ACTR2: variants seen among roughly 807,000 people sequenced by gnomAD.
ACTR2 encodes actin related protein 2, also known as actin-related protein 2.
Under a neutral mutation model 50.2 loss-of-function variants are expected in ACTR2, and 5 were observed. The observed-to-expected ratio is 0.10, with a 90% CI of 0.05 to 0.21. The LOEUF (loss-of-function observed/expected upper bound fraction) is 0.21, where lower values mean the gene tolerates loss of function less well. Ranked by LOEUF, ACTR2 falls within the 10% of genes least tolerant of loss-of-function variation. The pLI is 1.00. For synonymous variants in ACTR2, 140 were observed against 162.9 expected, an observed-to-expected ratio of 0.86 and a Z score of 1.07; for missense variants, 180 against 480.6, an observed-to-expected ratio of 0.37 and a Z score of 5.85.
At position 65,245,654 on chromosome 2, in the gene ACTR2, GTAT is replaced by G. The variant is rs1276413386; in HGVS notation, c.160-865_160-863del. On this transcript the variant is annotated intron_variant, in intron 2 of 8. Transcript: ENST00000260641. ...AATTTATCAACATATGTAGAAATTAGTATTATTTAACCTCTTGACTAGCTGTTC... is the reference window on the plus strand; with the variant it reads ...AATTTATCAACATATGTAGAAATTAGTATTTAACCTCTTGACTAGCTGTTC... 2.0e-5 allele frequency among the ~76,000 whole-genome samples: 3 copies of G among 152,188 alleles called. No individual in the cohort carries two copies. In the South Asian group the frequency reaches 6.2e-4, roughly 32 times the overall value.
At chr2:65,262,266 C>G (rs1672281976) in intron 7 of ACTR2, among the ~76,000 whole-genome samples, 1 of 152,126 alleles carries the variant, frequency 6.6e-6, no homozygotes, top group Non-Finnish European at 1.5e-5. Context: ...ATGTCACTCT[C>G]TCACCCAGGC....
chr2:65,261,487 A>G (rs1672267041), intron 7 of ACTR2, 95 bp downstream of exon 7: 2 of 1,194,664 alleles, frequency 1.7e-6, no homozygotes, highest in Non-Finnish European at 2.3e-6. Flanking sequence ...ATTAAATAGA[A>G]TGACTAAGTT....
intron 1 of ACTR2, among the ~76,000 whole-genome samples, chr2:65,236,590 TG>T (rs1573149030): frequency 1.3e-5 from 2 of 152,146 alleles, no homozygotes; most frequent in African/African-American, 4.8e-5. Context: ...TGTTTTGTTT[TG>T]TTTTTTTTGA....
At chr2:65,256,114 A>G (rs573548872) in intron 6 of ACTR2, among the ~76,000 whole-genome samples, 3 of 152,228 alleles carry the variant, frequency 2.0e-5, no homozygotes, top group Non-Finnish European at 4.4e-5. Flanking sequence ...AGCCTTTGGT[A>G]TGCTAATATG....
rs70943640 is a variant in ACTR2, at chr2:65,267,862, C to CTTTTT, written c.1015-678_1015-674dup. Among the ~76,000 whole-genome samples the CTTTTT allele has an allele frequency of 8.7e-3, 412 of 47,408 alleles. 64 individuals are homozygous for CTTTTT. The highest frequency in any genetic ancestry group is 0.017 in the African/African-American group (219 of 12,686). 31.1% of individuals were successfully genotyped at this position (47,408 alleles called of 152,430 possible). Reference sequence around the variant, plus strand: ...ACCTTGAAGAAGTCATGCAAGTCCTCTTTTTTTTTTTTTTTTTTTTTTTTT... The same window carrying CTTTTT: ...ACCTTGAAGAAGTCATGCAAGTCCTCTTTTTTTTTTTTTTTTTTTTTTTTTTTTTT... On this transcript the variant is annotated intron_variant, in intron 8 of 8. Coordinates refer to ENST00000260641, the MANE Select transcript of ACTR2 (RefSeq NM_005722.4).
chr2:65,265,261 C>T (rs981796571), intron 8 of ACTR2, 86 bp downstream of exon 8: 1 of 1,487,734 alleles, frequency 6.7e-7, no homozygotes, highest in African/African-American at 1.4e-5. Flanking sequence ...CCAGAGGGAG[C>T]AAGACGTCTT....
intron 1 of ACTR2, among the ~76,000 whole-genome samples, chr2:65,233,003 T>C (rs1671668905): frequency 6.6e-6 from 1 of 151,908 alleles, no homozygotes; most frequent in Non-Finnish European, 1.5e-5. Flanking sequence ...TTTAGTTTTT[T>C]TTTTTTTTTT....
intron 6 of ACTR2, among the ~76,000 whole-genome samples, chr2:65,257,162 T>C (rs569840684): frequency 6.6e-5 from 10 of 150,892 alleles, no homozygotes; most frequent in African/African-American, 2.4e-4. Flanking sequence ...TATGTTCTCA[T>C]TGTCAGCTCC....
intron 6 of ACTR2, among the ~76,000 whole-genome samples, chr2:65,257,180 G>A (rs111628063): frequency 1.3e-5 from 2 of 149,050 alleles, no homozygotes; most frequent in African/African-American, 4.9e-5. Flanking sequence ...TCCCACTTAT[G>A]AATGAGAACA....
At chr2:65,261,202 T>C (rs780429977) in intron 6 of ACTR2, 45 bp from the exon 7 acceptor site, 5 of 1,609,362 alleles carry the variant, frequency 3.1e-6, no homozygotes, top group Non-Finnish European at 4.2e-6. Flanking sequence ...CACTGGGAAA[T>C]TTTAATCTTT....
chr2:65,262,918 ATT>A (rs969983804), intron 7 of ACTR2, among the ~76,000 whole-genome samples: 3 of 151,650 alleles, frequency 2.0e-5, no homozygotes, highest in Non-Finnish European at 4.4e-5. Flanking sequence ...GTGAGCCATG[ATT>A]GTGTCACTGC....
intron 8 of ACTR2, among the ~76,000 whole-genome samples, chr2:65,266,323 C>G (rs1672372110): frequency 6.6e-6 from 1 of 152,064 alleles, no homozygotes; most frequent in East Asian, 1.9e-4. Flanking sequence ...TGATCAGAGA[C>G]CTAAGTTGAG....
chr2:65,267,862 C>CTTTTTTTT (rs70943640), intron 8 of ACTR2, among the ~76,000 whole-genome samples: 2,141 of 47,418 alleles, frequency 0.045, 404 homozygotes, highest in Middle Eastern at 0.15. Context: ...TGCAAGTCCT[C>CTTTTTTTT]TTTTTTTTTT....
At chr2:65,257,559 C>T (rs1672174820) in intron 6 of ACTR2, among the ~76,000 whole-genome samples, 1 of 152,212 alleles carries the variant, frequency 6.6e-6, no homozygotes, top group Non-Finnish European at 1.5e-5. Context: ...AATTTACACT[C>T]CCACCAACAG....
intron 5 of ACTR2, among the ~76,000 whole-genome samples, chr2:65,255,009 T>C (rs1388493450): frequency 6.6e-6 from 1 of 152,212 alleles, no homozygotes; most frequent in Non-Finnish European, 1.5e-5. Flanking sequence ...TAGTAGTATT[T>C]TCTAGCATTT....
chr2:65,240,838 G>A (rs1220312559), intron 2 of ACTR2, among the ~76,000 whole-genome samples: 1 of 152,148 alleles, frequency 6.6e-6, no homozygotes, highest in Admixed American at 6.5e-5. Flanking sequence ...AAGGTTATGA[G>A]TCATTTGAAA....
chr2:65,267,862 C>CTTTTTTTTTTTTTTTTTT lies in ACTR2; in HGVS notation c.1015-691_1015-674dup, dbSNP rs70943640. On this transcript the variant is annotated intron_variant, in intron 8 of 8. Transcript: ENST00000260641. The stretch of plus-strand genomic sequence containing the variant: ...ACCTTGAAGAAGTCATGCAAGTCCT[C>CTTTTTTTTTTTTTTTTTT]TTTTTTTTTTTTTTTTTTTTTTTTT... 1.1e-3 allele frequency among the ~76,000 whole-genome samples: 51 copies of CTTTTTTTTTTTTTTTTTT among 47,412 alleles called. 11 individuals are homozygous for CTTTTTTTTTTTTTTTTTT. The highest frequency in any genetic ancestry group is 1.6e-3 in the Non-Finnish European group (41 of 26,196). 31.1% of individuals were successfully genotyped at this position (47,412 alleles called of 152,430 possible).
At chr2:65,264,097 G>C (rs17030111) in intron 7 of ACTR2, among the ~76,000 whole-genome samples, 2,286 of 152,204 alleles carry the variant, frequency 0.015, 57 homozygotes, top group African/African-American at 0.052. Context: ...GCTGATTAGA[G>C]CTTCGACGTA....
intron 1 of ACTR2, among the ~76,000 whole-genome samples, chr2:65,234,471 A>T (rs1573147395): frequency 1.3e-5 from 2 of 152,068 alleles, no homozygotes; most frequent in South Asian, 4.1e-4. Context: ...TTGTTTTTAT[A>T]GTTTCAGGGA....
Sources: gnomAD v4.1 joint callset for allele counts (sites outside exome capture counted in the v4.1 genomes callset) on GRCh38, gnomAD v4.1.1 for gene constraint, MANE v1.5 for transcripts, NCBI Gene and HGNC (gene_info 2026-07-23, HGNC 2026-07-21) for gene names.